The following SMC5 variants were observed in gnomAD, a reference collection of about 807,000 sequenced individuals.
SMC5 encodes the protein structural maintenance of chromosomes 5.
SMC5 carries 88 observed loss-of-function variants against 148.3 expected under a neutral mutation model. That is an observed-to-expected ratio of 0.59 (90% CI 0.50 to 0.71). The LOEUF (loss-of-function observed/expected upper bound fraction) is 0.71. Among genes scored for constraint, SMC5 ranks in the 30% least tolerant of loss-of-function variants. The pLI is 0.00. For missense variants in SMC5, 1,142 were observed against 1,298.9 expected, an observed-to-expected ratio of 0.88 and a Z score of 1.86; for synonymous variants, 421 against 432.8, an observed-to-expected ratio of 0.97 and a Z score of 0.34.
At chr9:70,344,391 C>T in intron 18 of SMC5, 122 bp downstream of exon 18, 1 of 536,550 alleles carries the variant, frequency 1.9e-6, no homozygotes, top group Non-Finnish European at 2.7e-6. Context: ...GGGAGTTTTT[C>T]CACATTTTTA....
chr9:70,277,125 A>G (rs936140386), intron 3 of SMC5, among the ~76,000 whole-genome samples, 185 bp from the exon 4 acceptor site: 6 of 152,314 alleles, frequency 3.9e-5, no homozygotes, highest in East Asian at 1.9e-4. Flanking sequence ...GATGTGGTCA[A>G]TTATGGCATT....
At chr9:70,297,883 A>G (rs2035241977) in intron 8 of SMC5, 83 bp from the exon 9 acceptor site, 20 of 1,454,818 alleles carry the variant, frequency 1.4e-5, no homozygotes, top group South Asian at 2.7e-5. Flanking sequence ...GATTGTTTGC[A>G]TGTTAAAAAC....
intron 1 of SMC5, among the ~76,000 whole-genome samples, chr9:70,262,951 AC>A (rs2034178880): frequency 6.9e-6 from 1 of 145,732 alleles, no homozygotes; most frequent in South Asian, 2.3e-4. Flanking sequence ...TCCCCCGCCT[AC>A]CCCCGCCAAA....
At chr9:70,305,752 A>G (rs1166598824) in intron 11 of SMC5, among the ~76,000 whole-genome samples, 5 of 152,216 alleles carry the variant, frequency 3.3e-5, no homozygotes, top group Admixed American at 2.0e-4. Flanking sequence ...GCTTATTAAT[A>G]TAAATAAAAC....
intron 3 of SMC5, 88 bp from the exon 4 acceptor site, chr9:70,277,222 C>A: frequency 9.9e-7 from 1 of 1,012,606 alleles, no homozygotes; most frequent in Non-Finnish European, 1.3e-6. Flanking sequence ...TATCTGGCAC[C>A]TTTTGTGCAA....
intron 17 of SMC5, among the ~76,000 whole-genome samples, chr9:70,334,881 G>A (rs930957770): frequency 2.6e-5 from 4 of 152,038 alleles, no homozygotes; most frequent in African/African-American, 9.7e-5. Flanking sequence ...GGGTAGCAAA[G>A]AAAAAGTATA....
intron 4 of SMC5, among the ~76,000 whole-genome samples, chr9:70,277,946 C>T (rs2034637630): frequency 6.6e-6 from 1 of 151,798 alleles, no homozygotes; most frequent in Admixed American, 6.6e-5. Context: ...AGTCATATTA[C>T]CTATTAAATT....
At chr9:70,315,637 C>T (rs1318008998) in intron 13 of SMC5, 59 bp downstream of exon 13, 5 of 1,384,674 alleles carry the variant, frequency 3.6e-6, no homozygotes, top group African/African-American at 2.9e-5. Flanking sequence ...TTTGTTAAAA[C>T]TTCTTAGCTA....
intron 3 of SMC5, among the ~76,000 whole-genome samples, chr9:70,273,189 C>CTT (rs199876330): frequency 1.5e-4 from 21 of 143,064 alleles, no homozygotes; most frequent in South Asian, 1.3e-3. Context: ...AATCATCTGG[C>CTT]TTTTTTTTTT....
chr9:70,285,295 A>G (rs2034864787), intron 7 of SMC5, among the ~76,000 whole-genome samples: 1 of 152,196 alleles, frequency 6.6e-6, no homozygotes, highest in Non-Finnish European at 1.5e-5. Flanking sequence ...ACCAGGCACA[A>G]GCTTCCAAGG....
At chr9:70,262,098 G>C (rs2117931352) in intron 1 of SMC5, among the ~76,000 whole-genome samples, 1 of 152,298 alleles carries the variant, frequency 6.6e-6, no homozygotes, top group African/African-American at 2.4e-5. Context: ...GATGCGCTTA[G>C]AGAATTAGCA....
chr9:70,299,783 GT>G (rs890060634), intron 9 of SMC5, among the ~76,000 whole-genome samples: 43 of 148,646 alleles, frequency 2.9e-4, no homozygotes, highest in African/African-American at 1.1e-3. Context: ...TTCCTTGTGG[GT>G]TTTTTTGTTT....
chr9:70,318,859 T>A lies in SMC5; in HGVS notation c.2046T>A (p.His682Gln). ...GLIALRETSK[H>Q]LEHKDNELRQ... ...TTGCCTTACGTGAAACAAGCAAACA[T>A]CTGGAGCACAAAGACAATGAACTTA... The change falls in exon 15 of 25, where the codon CAT (histidine) becomes CAA (glutamine). Residue 682 changes from histidine (H) to glutamine (Q), a missense_variant. This residue lies in a region of SMC5 where 743 missense variants were observed against 835.7 expected (regional missense o/e 0.89). Coordinates refer to ENST00000361138, the MANE Select transcript of SMC5 (RefSeq NM_015110.4). The A allele has an allele frequency of 6.2e-7, 1 of 1,611,286 alleles. No individual in the cohort carries two copies. Among genetic ancestry groups the A allele is most frequent in the Non-Finnish European group, 8.5e-7 (1 of 1,178,790 alleles).
At chr9:70,339,225 C>G (rs535812635) in intron 17 of SMC5, among the ~76,000 whole-genome samples, 2 of 152,104 alleles carry the variant, frequency 1.3e-5, no homozygotes, top group Middle Eastern at 3.4e-3. Flanking sequence ...GTCGGGAGAT[C>G]GAGACCATCC....
chr9:70,275,488 A>C (rs202218108), intron 3 of SMC5, among the ~76,000 whole-genome samples: 1 of 152,192 alleles, frequency 6.6e-6, no homozygotes, highest in East Asian at 1.9e-4. Context: ...GGCGTGAGCC[A>C]CCACATCTGG....
At chr9:70,325,557 T>A (rs1315119325) in intron 17 of SMC5, among the ~76,000 whole-genome samples, 2 of 152,206 alleles carry the variant, frequency 1.3e-5, no homozygotes, top group Non-Finnish European at 2.9e-5. Flanking sequence ...GATCTAGCCC[T>A]GTGAACTCTC....
chr9:70,267,336 C>T (rs1265656215), intron 2 of SMC5, among the ~76,000 whole-genome samples: 2 of 152,138 alleles, frequency 1.3e-5, no homozygotes, highest in East Asian at 1.9e-4. Flanking sequence ...CGGACTTAGA[C>T]TCATAAGCAT....
chr9:70,293,175 G>A (rs1338650545), intron 8 of SMC5, among the ~76,000 whole-genome samples: 2 of 152,022 alleles, frequency 1.3e-5, no homozygotes, highest in African/African-American at 4.8e-5. Context: ...TTCCTTAATA[G>A]CTATTAGACT....
chr9:70,321,394 CTTT>C (rs11390673), intron 15 of SMC5, among the ~76,000 whole-genome samples: 4 of 135,880 alleles, frequency 2.9e-5, no homozygotes, highest in Admixed American at 7.7e-5. Context: ...TGTCAAATGT[CTTT>C]TTTTTTTTTT....
Sources: gnomAD v4.1 joint callset for allele counts (sites outside exome capture counted in the v4.1 genomes callset) on GRCh38, gnomAD v4.1.1 for gene constraint, gnomAD v4.1.1 regional missense constraint, MANE v1.5 for transcripts, NCBI Gene and HGNC (gene_info 2026-07-23, HGNC 2026-07-21) for gene names.